GNAT3: variants seen among roughly 807,000 people sequenced by gnomAD.
GNAT3 encodes guanine nucleotide-binding protein G(t) subunit alpha-3.
GNAT3 carries 31 observed loss-of-function variants against 37.7 expected under a neutral mutation model. The observed-to-expected ratio is 0.82, with a 90% CI of 0.62 to 1.11. The LOEUF (loss-of-function observed/expected upper bound fraction) is 1.11, where lower values mean the gene tolerates loss of function less well. Among genes scored for constraint, GNAT3 ranks in the 50% most tolerant of loss-of-function variants. The pLI is 0.00. For synonymous variants in GNAT3, 138 were observed against 139.8 expected, an observed-to-expected ratio of 0.99 and a Z score of 0.09; for missense variants, 437 against 412.5, an observed-to-expected ratio of 1.06 and a Z score of -0.51.
chr7:80,503,921 C>T (rs190985414), intron 1 of GNAT3, among the ~76,000 whole-genome samples: 2 of 152,120 alleles, frequency 1.3e-5, no homozygotes, highest in Admixed American at 6.5e-5. Flanking sequence ...AAGAACAGAC[C>T]GTGGTAGATG....
chr7:80,506,116 T>C (rs1363054870), intron 1 of GNAT3, among the ~76,000 whole-genome samples: 3 of 152,216 alleles, frequency 2.0e-5, no homozygotes, highest in Non-Finnish European at 2.9e-5. Context: ...ACTGCTCATG[T>C]TGCTTATATA....
intron 1 of GNAT3, among the ~76,000 whole-genome samples, chr7:80,507,840 T>C (rs1790978964): frequency 6.6e-6 from 1 of 152,036 alleles, no homozygotes. Context: ...TATCCATTTG[T>C]TGAATAAGTG....
chr7:80,458,915 T>A (rs1331230702), intron 7 of GNAT3, 54 bp from the exon 8 acceptor site: 2 of 1,200,970 alleles, frequency 1.7e-6, no homozygotes, highest in Non-Finnish European at 2.3e-6. Flanking sequence ...TTACAAAGAA[T>A]AGGCTATAAA....
chr7:80,470,338 C>T (rs6951325), intron 5 of GNAT3, among the ~76,000 whole-genome samples: 78 of 152,304 alleles, frequency 5.1e-4, no homozygotes, highest in African/African-American at 1.8e-3. Flanking sequence ...TCACCAGCCT[C>T]AGCCTCCTGC....
intron 5 of GNAT3, among the ~76,000 whole-genome samples, chr7:80,473,359 T>A (rs1790250645): frequency 6.6e-6 from 1 of 152,158 alleles, no homozygotes; most frequent in Non-Finnish European, 1.5e-5. Flanking sequence ...TTTAAAATAT[T>A]TGAAGCTTTT....
chr7:80,462,514 T>A lies in GNAT3; in HGVS notation c.708A>T (p.Glu236Asp). Reference sequence around the variant, plus strand: ...CCTTTAGACTTACCACTTCTTCGTCTTCCACGAGGACCATGTCATAGGCAC... The same window carrying A: ...CCTTTAGACTTACCACTTCTTCGTCATCCACGAGGACCATGTCATAGGCAC... ...ALSAYDMVLV[E>D]DEEVNRMHES... Residue 236 changes from glutamate (E) to aspartate (D), a missense_variant, in exon 6 of 8, where the codon GAA becomes GAT. Glu to Asp is a conservative substitution (Grantham distance 45). Coordinates refer to ENST00000398291, the MANE Select transcript of GNAT3 (RefSeq NM_001102386.3). 1 of 1,613,148 alleles carries A rather than the reference T, an allele frequency of 6.2e-7. No individual in the cohort carries two copies. The highest frequency in any genetic ancestry group is 8.5e-7 in the Non-Finnish European group (1 of 1,179,676).
chr7:80,479,799 GT>G (rs908156127), intron 3 of GNAT3, among the ~76,000 whole-genome samples: 6 of 134,984 alleles, frequency 4.4e-5, no homozygotes, highest in Non-Finnish European at 6.7e-5. Flanking sequence ...AATATATAAT[GT>G]TTTTTTGTCA....
intron 3 of GNAT3, among the ~76,000 whole-genome samples, chr7:80,483,401 T>A (rs981462932): frequency 6.6e-6 from 1 of 152,146 alleles, no homozygotes; most frequent in African/African-American, 2.4e-5. Flanking sequence ...ACCCATCAAA[T>A]GTGAATTTTT....
intron 3 of GNAT3, among the ~76,000 whole-genome samples, chr7:80,484,321 A>G (rs1482168522): frequency 6.6e-6 from 1 of 152,156 alleles, no homozygotes; most frequent in African/African-American, 2.4e-5. Flanking sequence ...TGAGTTAAAA[A>G]TACCATGTTT....
chr7:80,507,495 T>C (rs1245838990), intron 1 of GNAT3, among the ~76,000 whole-genome samples: 1 of 151,988 alleles, frequency 6.6e-6, no homozygotes, highest in Non-Finnish European at 1.5e-5. Context: ...GGGAATCTCT[T>C]ATGCCAAAGA....
intron 1 of GNAT3, among the ~76,000 whole-genome samples, chr7:80,498,954 C>T (rs1790785511): frequency 6.6e-6 from 1 of 152,026 alleles, no homozygotes; most frequent in African/African-American, 2.4e-5. Context: ...TTTAAATCTA[C>T]CCAATATTTA....
At chr7:80,486,821 TG>T (rs1242966839) in intron 3 of GNAT3, among the ~76,000 whole-genome samples, 1 of 151,904 alleles carries the variant, frequency 6.6e-6, no homozygotes, top group African/African-American at 2.4e-5. Context: ...TCACAAACTC[TG>T]GGTTCTATGA....
intron 1 of GNAT3, among the ~76,000 whole-genome samples, chr7:80,511,024 T>G (rs2116240921): frequency 6.6e-6 from 1 of 152,276 alleles, no homozygotes; most frequent in South Asian, 2.1e-4. Flanking sequence ...CATTTTTATT[T>G]CAAAAACATA....
At chr7:80,491,490 G>A (rs1790590530) in intron 2 of GNAT3, among the ~76,000 whole-genome samples, 2 of 152,164 alleles carry the variant, frequency 1.3e-5, no homozygotes, top group South Asian at 4.1e-4. Flanking sequence ...AAGGTGCAGA[G>A]TAAGTAGAGA....
intron 5 of GNAT3, 72 bp downstream of exon 5, chr7:80,474,179 C>A: frequency 1.4e-6 from 2 of 1,463,858 alleles, no homozygotes; most frequent in Non-Finnish European, 1.9e-6. Flanking sequence ...TGGGCTAGAG[C>A]TTTTCTCCAT....
intron 7 of GNAT3, among the ~76,000 whole-genome samples, chr7:80,459,766 A>T (rs147877600): frequency 3.9e-5 from 6 of 152,230 alleles, no homozygotes; most frequent in Non-Finnish European, 8.8e-5. Context: ...CTTTATTGTA[A>T]CTAGAAACAA....
chr7:80,468,147 G>A (rs991784522), intron 5 of GNAT3, among the ~76,000 whole-genome samples: 2 of 151,866 alleles, frequency 1.3e-5, no homozygotes, highest in Non-Finnish European at 2.9e-5. Flanking sequence ...AGAGTTTTAC[G>A]GCTTTATATT....
chr7:80,492,615 C>T (rs1326566043), intron 2 of GNAT3, among the ~76,000 whole-genome samples: 1 of 151,406 alleles, frequency 6.6e-6, no homozygotes, highest in Non-Finnish European at 1.5e-5. Context: ...TGATATAAGC[C>T]TTTTATACAG....
chr7:80,483,402 G>A (rs967999765), intron 3 of GNAT3, among the ~76,000 whole-genome samples: 3 of 151,966 alleles, frequency 2.0e-5, no homozygotes, highest in Non-Finnish European at 4.4e-5. Flanking sequence ...CCCATCAAAT[G>A]TGAATTTTTA....
Sources: allele counts gnomAD v4.1 joint callset (sites outside exome capture counted in the v4.1 genomes callset), GRCh38; gene constraint gnomAD v4.1.1; transcripts MANE v1.5; gene names NCBI Gene and HGNC (gene_info 2026-07-23, HGNC 2026-07-21).